Variants in PAX2 observed in about 807,000 individuals in gnomAD.
The protein encoded by PAX2 is paired box protein Pax-2.
Under a neutral mutation model 41.7 loss-of-function variants are expected in PAX2, and 9 were observed. The ratio of observed to expected loss-of-function variants is 0.22; its 90% CI spans 0.13 to 0.38. The LOEUF is 0.38. Among genes scored for constraint, PAX2 ranks in the 10% least tolerant of loss-of-function variants. The pLI, the probability that PAX2 is intolerant of heterozygous loss-of-function variation, is 1.00. For synonymous variants in PAX2, 221 were observed against 212.7 expected (o/e 1.04, Z -0.34); for missense variants, 418 against 531.6 (o/e 0.79, Z 2.10).
chr10:100,801,605 G>A (rs1221246335), intron 5 of PAX2, among the ~76,000 whole-genome samples: 1 of 152,196 alleles, frequency 6.6e-6, no homozygotes, highest in East Asian at 1.9e-4. Flanking sequence ...GCTAGTTATG[G>A]TAACATGAAA....
intron 5 of PAX2, among the ~76,000 whole-genome samples, chr10:100,801,330 A>T (rs1847556001): frequency 2.0e-5 from 3 of 152,272 alleles, no homozygotes; most frequent in Admixed American, 1.3e-4. Flanking sequence ...CTTTTGTTAA[A>T]TGCTAAGCAA....
At chr10:100,811,060 T>C (rs1269332863) in intron 7 of PAX2, among the ~76,000 whole-genome samples, 1 of 151,978 alleles carries the variant, frequency 6.6e-6, no homozygotes, top group Non-Finnish European at 1.5e-5. Context: ...CATTCGGAGC[T>C]GTTCACCAGT....
In PAX2 at chr10:100,809,179, A is replaced by G. The variant is rs1437277438; in HGVS notation, c.862A>G (p.Thr288Ala). Reference protein sequence around the residue: ...DEVKSSLSASTNPELGSNVSG... With the variant: ...DEVKSSLSASANPELGSNVSG... ...AGTCAAGTCGAGTCTATCTGCATCC[A>G]CCAACCCTGAGCTGGGCAGCAACGT... Residue 288 changes from threonine to alanine, a missense_variant, in exon 7 of 10, where the codon ACC becomes GCC. Thr to Ala is a moderately conservative substitution (Grantham distance 58). Coordinates refer to ENST00000355243, the MANE Select transcript of PAX2 (RefSeq NM_000278.5). 2 of 1,613,730 alleles carry G rather than the reference A, an allele frequency of 1.2e-6. No individual in the cohort carries two copies. The highest frequency in any genetic ancestry group is 1.7e-5 in the Admixed American group (1 of 60,008).
At chr10:100,810,077 G>A (rs2296220) in intron 7 of PAX2, among the ~76,000 whole-genome samples, 42 of 152,284 alleles carry the variant, frequency 2.8e-4, no homozygotes, top group East Asian at 5.8e-4. Context: ...CCAATGTGCC[G>A]TTTGTTCCTT....
At chr10:100,800,671 G>A (rs911609965) in intron 5 of PAX2, among the ~76,000 whole-genome samples, 3 of 152,160 alleles carry the variant, frequency 2.0e-5, no homozygotes, top group South Asian at 2.1e-4. Flanking sequence ...ACAGGGTTCA[G>A]GGGGTGTCTC....
chr10:100,827,788 T>A lies in PAX2; in HGVS notation c.*169T>A. ...CCCGCAACCCTTCACATCACCCCCC[T>A]CGAAGGTCGGACAGGACGGGTGGAG... On this transcript the variant is annotated 3_prime_UTR_variant, in exon 10 of 10. Transcript: ENST00000355243. This position sits in a 1 kb window ranked among gnomAD's most constrained non-coding sequence, Gnocchi z 8.5. 1 of 991,292 alleles carries A rather than the reference T, an allele frequency of 1.0e-6. No individual in the cohort carries two copies. The highest frequency in any genetic ancestry group is 1.5e-6 in the Non-Finnish European group (1 of 654,424). The allele number at this position is 991,292 out of a possible 1,614,324, so 61.4% of individuals were successfully genotyped here.
At position 100,750,959 on chromosome 10, in the gene PAX2, A is replaced by C. The variant is rs376397763; in HGVS notation, c.410+68A>C. 8,623 of 1,182,388 alleles carry C rather than the reference A, an allele frequency of 7.3e-3. 48 individuals are homozygous for C. Among genetic ancestry groups the C allele is most frequent in the Non-Finnish European group, 9.0e-3 (7,091 of 791,722 alleles). The allele number at this position is 1,182,388 out of a possible 1,614,324, so 73.2% of individuals were successfully genotyped here. A position where few individuals can be genotyped will look rare whatever the true frequency, so the allele number is the denominator to read the frequency against. On this transcript the variant is annotated intron_variant, in intron 3 of 9. Coordinates refer to ENST00000355243, the MANE Select transcript of PAX2 (RefSeq NM_000278.5). The surrounding 1 kb of genome is among the most constrained non-coding windows in gnomAD (Gnocchi z 4.1). ...TGGCTCCTGCCTGCAGGGGTGTCCC[A>C]CGCCCAGTCTCTGCTCTTTGTCCAG...
chr10:100,814,117 G>A (rs1848100633), intron 7 of PAX2, among the ~76,000 whole-genome samples: 1 of 152,080 alleles, frequency 6.6e-6, no homozygotes, highest in African/African-American at 2.4e-5. Context: ...GGGAGGCCGA[G>A]GCAGGCGGAT....
At chr10:100,808,564 T>C (rs1180845371) in intron 6 of PAX2, among the ~76,000 whole-genome samples, 1 of 152,132 alleles carries the variant, frequency 6.6e-6, no homozygotes. Context: ...CCTACCCTTC[T>C]GTTAGCCATG....
At chr10:100,764,518 G>T (rs920241584) in intron 3 of PAX2, among the ~76,000 whole-genome samples, 1 of 152,212 alleles carries the variant, frequency 6.6e-6, no homozygotes, top group Non-Finnish European at 1.5e-5. Flanking sequence ...ATGAATGCCA[G>T]TGAGAATCAT....
At chr10:100,789,639 T>C (rs1847019428) in intron 5 of PAX2, among the ~76,000 whole-genome samples, 1 of 152,186 alleles carries the variant, frequency 6.6e-6, no homozygotes, top group African/African-American at 2.4e-5. Flanking sequence ...AAAACCTGGC[T>C]AAGGTCCACT....
intron 1 of PAX2, chr10:100,747,090 A>G (rs2133825507): frequency 6.6e-6 from 1 of 152,418 alleles, no homozygotes; most frequent in Admixed American, 6.5e-5. Flanking sequence ...GGCTCCGAGA[A>G]GAAATCGAAG....
intron 6 of PAX2, among the ~76,000 whole-genome samples, chr10:100,807,441 G>T (rs975975091): frequency 6.9e-6 from 1 of 144,474 alleles, no homozygotes; most frequent in African/African-American, 2.6e-5. Flanking sequence ...CCGCCCACCT[G>T]TTCCCTCACC....
intron 1 of PAX2, among the ~76,000 whole-genome samples, chr10:100,737,940 G>A (rs528261093): frequency 6.6e-6 from 1 of 152,260 alleles, no homozygotes; most frequent in Admixed American, 6.5e-5. Context: ...GAAAGGGCGA[G>A]AGAAGGAGGA....
chr10:100,781,194 C>T, intron 4 of PAX2, 52 bp from the exon 5 acceptor site: 1 of 1,607,998 alleles, frequency 6.2e-7, no homozygotes, highest in South Asian at 1.1e-5. Flanking sequence ...GGCCTACGAT[C>T]ACAACTGCTA....
intron 1 of PAX2, among the ~76,000 whole-genome samples, chr10:100,738,083 T>G (rs995310324): frequency 1.6e-4 from 24 of 152,376 alleles, no homozygotes; most frequent in Admixed American, 5.2e-4. Context: ...GCTGGCTCTC[T>G]GGCTCCCTGA....
At chr10:100,780,332 C>G (rs1846566439) in intron 4 of PAX2, among the ~76,000 whole-genome samples, 1 of 152,236 alleles carries the variant, frequency 6.6e-6, no homozygotes, top group Non-Finnish European at 1.5e-5. Flanking sequence ...TAGCTTCCCT[C>G]TGGCCCAAGG....
Position 100,791,077 on chromosome 10 carries a change from A to G in PAX2, c.616+9712A>G, listed in dbSNP as rs1847098179. 6.6e-6 allele frequency among the ~76,000 whole-genome samples: 1 copy of G among 152,080 alleles called. No homozygotes were observed. The highest frequency in any genetic ancestry group is 1.5e-5 in the Non-Finnish European group (1 of 67,998). ...GGAGGCCTGGCCTTCCCTCCCTCCCATTCTTGGAGCCCTGTGGCCCATCCT... is the reference window on the plus strand; with the variant it reads ...GGAGGCCTGGCCTTCCCTCCCTCCCGTTCTTGGAGCCCTGTGGCCCATCCT... On this transcript the variant is annotated intron_variant, in intron 5 of 9. Transcript: ENST00000355243. The surrounding 1 kb of genome is among the most constrained non-coding windows in gnomAD (Gnocchi z 4.5).
chr10:100,763,581 C>T (rs1845909812), intron 3 of PAX2, among the ~76,000 whole-genome samples: 7 of 152,138 alleles, frequency 4.6e-5, no homozygotes, highest in Admixed American at 4.6e-4. Context: ...CGAAAGTTGG[C>T]CAGGAGGGTA....
Sources: allele counts gnomAD v4.1 joint callset (sites outside exome capture counted in the v4.1 genomes callset), GRCh38; gene constraint gnomAD v4.1.1; non-coding constraint Gnocchi (gnomAD v3.1); transcripts MANE v1.5; gene names NCBI Gene and HGNC (gene_info 2026-07-23, HGNC 2026-07-21).